ARB2A: variants seen among roughly 807,000 people sequenced by gnomAD.
ARB2A encodes the protein ARB2 cotranscriptional regulator A.
At chr5:94,026,759 G>A in the ARB2A span, among the ~76,000 whole-genome samples, 3 of 152,158 alleles carry the variant, frequency 2.0e-5, no homozygotes, top group African/African-American at 7.2e-5. Context: ...TCTTTGGCTT[G>A]AAGGTTGGGT....
At chr5:93,968,551 C>A in the ARB2A span, among the ~76,000 whole-genome samples, 1 of 151,848 alleles carries the variant, frequency 6.6e-6, no homozygotes, top group African/African-American at 2.4e-5. Context: ...AAAGACAATA[C>A]AGAATATTAG....
chr5:94,064,370 C>G, the ARB2A span, among the ~76,000 whole-genome samples: 1 of 152,142 alleles, frequency 6.6e-6, no homozygotes, highest in Admixed American at 6.5e-5. Context: ...CTATAAAATA[C>G]TTGAATTTGT....
the ARB2A span, among the ~76,000 whole-genome samples, chr5:93,817,766 T>C: frequency 6.6e-6 from 1 of 152,146 alleles, no homozygotes; most frequent in Non-Finnish European, 1.5e-5. Context: ...AATATCCATA[T>C]TCAAAAGAAT....
chr5:93,759,014 GAA>G, the ARB2A span, among the ~76,000 whole-genome samples: 2 of 151,982 alleles, frequency 1.3e-5, no homozygotes, highest in Non-Finnish European at 2.9e-5. Context: ...GATTAACCAA[GAA>G]AAGAAGAGAA....
the ARB2A span, among the ~76,000 whole-genome samples, chr5:94,072,148 T>A: frequency 6.6e-6 from 1 of 152,128 alleles, no homozygotes. Flanking sequence ...TCCATTTCTA[T>A]AACATCTATA....
chr5:94,029,451 C>T, the ARB2A span, among the ~76,000 whole-genome samples: 4 of 152,156 alleles, frequency 2.6e-5, no homozygotes, highest in African/African-American at 7.2e-5. Flanking sequence ...CTAATTGTGT[C>T]CTTGTGATGT....
chr5:93,946,289 T>C, the ARB2A span, among the ~76,000 whole-genome samples: 1 of 152,010 alleles, frequency 6.6e-6, no homozygotes, highest in African/African-American at 2.4e-5. Flanking sequence ...GCTTAGAAAG[T>C]GACCAGTCAA....
the ARB2A span, among the ~76,000 whole-genome samples, chr5:94,022,308 G>C: frequency 6.6e-6 from 1 of 152,128 alleles, no homozygotes; most frequent in African/African-American, 2.4e-5. Flanking sequence ...AAAGTGTATG[G>C]ACACAGATGG....
At chr5:93,637,354 G>GTTTTTTTTT in the ARB2A span, among the ~76,000 whole-genome samples, 38 of 116,078 alleles carry the variant, frequency 3.3e-4, no homozygotes, top group South Asian at 5.8e-4. Context: ...GGGTTGTTTA[G>GTTTTTTTTT]TTTTTTTTTT....
chr5:94,016,881 T>C, the ARB2A span, among the ~76,000 whole-genome samples: 3 of 152,040 alleles, frequency 2.0e-5, no homozygotes, highest in Non-Finnish European at 2.9e-5. Context: ...CTAAGTAGGG[T>C]TGAAGTTTTT....
chr5:93,746,995 T>G, the ARB2A span, among the ~76,000 whole-genome samples: 1 of 152,202 alleles, frequency 6.6e-6, no homozygotes, highest in Non-Finnish European at 1.5e-5. Context: ...AGGATGTTCT[T>G]GCATTGATTA....
chr5:94,109,289 G>A, the ARB2A span, among the ~76,000 whole-genome samples: 3 of 152,160 alleles, frequency 2.0e-5, no homozygotes, highest in Non-Finnish European at 4.4e-5. Context: ...AACAGAAAAC[G>A]AGGTGTGAGT....
chr5:93,760,104 G>A, the ARB2A span, among the ~76,000 whole-genome samples: 6 of 152,032 alleles, frequency 3.9e-5, no homozygotes, highest in South Asian at 2.1e-4. Flanking sequence ...CACCAACAGC[G>A]ACCAAGCGGA....
At chr5:93,747,696 C>T in the ARB2A span, among the ~76,000 whole-genome samples, 1 of 152,154 alleles carries the variant, frequency 6.6e-6, no homozygotes, top group African/African-American at 2.4e-5. Flanking sequence ...AATTTATCTG[C>T]TTCTAGTCCA....
chr5:93,910,968 G>A, the ARB2A span: 2 of 151,566 alleles, frequency 1.3e-5, no homozygotes, highest in East Asian at 1.9e-4. Context: ...ACATTCAGAA[G>A]AGAGTCATCA....
the ARB2A span, chr5:93,781,986 G>A: frequency 1.6e-4 from 149 of 949,058 alleles, no homozygotes; most frequent in Non-Finnish European, 1.8e-4. Context: ...AAGAAAAGGG[G>A]AGGAAGTTTC....
chr5:94,013,867 T>A, the ARB2A span, among the ~76,000 whole-genome samples: 12 of 152,234 alleles, frequency 7.9e-5, 1 homozygote, highest in East Asian at 1.9e-3. Context: ...AAGAGGTAGA[T>A]AGTAAGAGAA....
the ARB2A span, among the ~76,000 whole-genome samples, chr5:93,818,704 C>T: frequency 6.6e-6 from 1 of 152,072 alleles, no homozygotes; most frequent in African/African-American, 2.4e-5. Context: ...GTGTGTCATA[C>T]AGAAGCAATC....
the ARB2A span, among the ~76,000 whole-genome samples, chr5:93,759,212 C>T: frequency 1.3e-5 from 2 of 151,842 alleles, no homozygotes; most frequent in Non-Finnish European, 1.5e-5. Context: ...AATTAGATAC[C>T]CTGAACAGAC....
Sources: allele counts gnomAD v4.1 joint callset (sites outside exome capture counted in the v4.1 genomes callset), GRCh38; gene constraint gnomAD v4.1.1; transcripts MANE v1.5; gene names NCBI Gene and HGNC (gene_info 2026-07-23, HGNC 2026-07-21).